SHANK1: variants seen among roughly 807,000 people sequenced by gnomAD.
The protein encoded by SHANK1 is SH3 and multiple ankyrin repeat domains protein 1.
A neutral mutation model predicts 165.6 loss-of-function variants in SHANK1; 35 were observed. The observed-to-expected ratio is 0.21, with a 90% CI of 0.16 to 0.28. The LOEUF is 0.28. SHANK1 is among the 10% of genes least tolerant of loss of function. SHANK1 has a pLI of 1.00. For missense variants in SHANK1, 2,681 were observed against 3,036.4 expected (o/e 0.88, Z 2.75); for synonymous variants, 1,428 against 1,384.8 (o/e 1.03, Z -0.69).
At chr19:50,711,261 G>C (rs1416042572) in intron 8 of SHANK1, 110 bp downstream of exon 8, 2 of 653,412 alleles carry the variant, frequency 3.1e-6, no homozygotes, top group African/African-American at 3.6e-5. Flanking sequence ...TGGAAATAGT[G>C]AAGAAGTGGA....
chr19:50,704,102 G>C lies in SHANK1; in HGVS notation c.1222+18C>G. The C allele has an allele frequency of 6.2e-7, 1 of 1,612,560 alleles. No homozygotes were observed. Among genetic ancestry groups the C allele is most frequent in the Non-Finnish European group, 8.5e-7 (1 of 1,179,384 alleles). On this transcript the variant is annotated intron_variant, in intron 10 of 23. Coordinates refer to ENST00000293441, the MANE Select transcript of SHANK1 (RefSeq NM_016148.5). ...CCGCCCCAGGTTCTCTGTGCAGTCC[G>C]AGCTCCCTGTCACTCACCCACATCC...
intron 21 of SHANK1, among the ~76,000 whole-genome samples, chr19:50,675,053 C>T (rs960474612): frequency 1.6e-5 from 2 of 128,424 alleles, no homozygotes; most frequent in Non-Finnish European, 3.2e-5. Context: ...TAGAGCAACA[C>T]TCGGTCTCAA....
intron 10 of SHANK1, 128 bp from the exon 11 acceptor site, chr19:50,703,958 G>A (rs982566866): frequency 2.7e-6 from 2 of 734,956 alleles, no homozygotes; most frequent in East Asian, 5.2e-5. Flanking sequence ...AAGGGAGGGG[G>A]GCCTGGAATT....
intron 21 of SHANK1, among the ~76,000 whole-genome samples, chr19:50,675,591 T>C (rs1443003577): frequency 1.3e-5 from 2 of 152,160 alleles, no homozygotes; most frequent in Admixed American, 6.6e-5. Context: ...TACGACAAAT[T>C]AGACAAATGT....
chr19:50,692,634 C>T (rs12459070), intron 15 of SHANK1, among the ~76,000 whole-genome samples: 18,735 of 151,410 alleles, frequency 0.12, 1,549 homozygotes, highest in Admixed American at 0.28. Flanking sequence ...CTAGGACATA[C>T]GTGGTGTTGC....
In SHANK1 at chr19:50,661,020, G is replaced by A. The variant is rs1985193772; in HGVS notation, c.*945C>T. Among the ~76,000 whole-genome samples the A allele has an allele frequency of 1.3e-5, 2 of 152,026 alleles. No homozygotes were observed. Among genetic ancestry groups the A allele is most frequent in the African/African-American group, 4.8e-5 (2 of 41,382 alleles). Reference sequence around the variant, plus strand: ...AATCTGGGGTTTTTAAGAATAAGAAGGGAAAGTGCTTCAACGTAAGAAAAT... The same window carrying A: ...AATCTGGGGTTTTTAAGAATAAGAAAGGAAAGTGCTTCAACGTAAGAAAAT... On this transcript the variant is annotated 3_prime_UTR_variant, in exon 24 of 24. Transcript: ENST00000293441.
rs1201459230 is a variant in SHANK1 at position 50,664,160 on chromosome 19, G to A, written c.5769-1478C>T. Among the ~76,000 whole-genome samples, 10 of 147,016 alleles carry A rather than the reference G, an allele frequency of 6.8e-5. No homozygotes were observed. The East Asian group carries it at 2.0e-3, about 29-fold the overall frequency. The stretch of plus-strand genomic sequence containing the variant: ...TTTCAACCTGGGAGCATAGATTTAA[G>A]TTGCCCCAAATATACACTCCCTGAA... On this transcript the variant is annotated intron_variant, in intron 23 of 23. Coordinates refer to ENST00000293441, the MANE Select transcript of SHANK1 (RefSeq NM_016148.5).
chr19:50,694,849 C>T (rs1461996835), intron 15 of SHANK1, among the ~76,000 whole-genome samples: 1 of 149,212 alleles, frequency 6.7e-6, no homozygotes, highest in Non-Finnish European at 1.5e-5. Flanking sequence ...GTCGCCACCG[C>T]GGGCCGGGGC....
rs758436620 is a variant in SHANK1, at chr19:50,703,688, C to G, written c.1365G>C (p.Gly455=). Residue 455 remains glycine, a synonymous_variant, in exon 11 of 24, where the codon GGG becomes GGC. Transcript: ENST00000293441. ...LPDWMVFSAP[G]AASSGAPGPT... ...GGCCAGGGGCCCCAGAGGACGCGGC[C>G]CCCGGGGCGGAGAACACCATCCAGT... is the stretch of plus-strand genomic sequence containing the variant. The G allele has an allele frequency of 1.4e-6, 2 of 1,468,302 alleles. No individual in the cohort carries two copies. The highest frequency in any genetic ancestry group is 1.4e-5 in the African/African-American group (1 of 70,590). 91.0% of individuals were successfully genotyped at this position (1,468,302 alleles called of 1,614,324 possible).
chr19:50,687,169 CCT>C (rs1234186878), intron 19 of SHANK1: 3 of 532,780 alleles, frequency 5.6e-6, no homozygotes, highest in South Asian at 3.4e-5. Flanking sequence ...CGACCAGCCC[CCT>C]GTCAGGGGAA....
intron 22 of SHANK1, among the ~76,000 whole-genome samples, chr19:50,669,500 C>T (rs1228461939): frequency 6.6e-6 from 1 of 152,116 alleles, no homozygotes; most frequent in Non-Finnish European, 1.5e-5. Context: ...CTGCAAACCG[C>T]AAGGAAGGTG....
At position 50,697,225 on chromosome 19, in the gene SHANK1, G is replaced by T; in HGVS notation, c.1938-103C>A. 1.4e-6 allele frequency: 2 copies of T among 1,474,476 alleles called. No individual in the cohort carries two copies. The highest frequency in any genetic ancestry group is 1.1e-5 in the South Asian group (1 of 87,052). 91.3% of individuals were successfully genotyped at this position (1,474,476 alleles called of 1,614,324 possible). On this transcript the variant is annotated intron_variant, in intron 14 of 23. Transcript: ENST00000293441. This position sits in a 1 kb window ranked among gnomAD's most constrained non-coding sequence, Gnocchi z 4.7. ...GCCCTGACTGCACCCTCCCCACACC[G>T]GTGCATGGGACACACACATTCCCAC...
chr19:50,694,761 G>A (rs1986672559), intron 15 of SHANK1, among the ~76,000 whole-genome samples: 1 of 146,896 alleles, frequency 6.8e-6, no homozygotes, highest in South Asian at 2.2e-4. Flanking sequence ...GAGAAGGTTA[G>A]GGAAGAGGAG....
intron 23 of SHANK1, among the ~76,000 whole-genome samples, chr19:50,664,788 T>G (rs1156979754): frequency 6.6e-6 from 1 of 152,102 alleles, no homozygotes; most frequent in Non-Finnish European, 1.5e-5. Context: ...GGAGTCTCAC[T>G]CTGTCACCCA....
chr19:50,680,938 G>C (rs1049730541), intron 21 of SHANK1, among the ~76,000 whole-genome samples: 2 of 152,176 alleles, frequency 1.3e-5, no homozygotes, highest in African/African-American at 4.8e-5. Flanking sequence ...TTACAGGCGT[G>C]AGCCACCACG....
intron 12 of SHANK1, among the ~76,000 whole-genome samples, chr19:50,701,193 CT>C (rs34951143): frequency 0.55 from 55,646 of 101,010 alleles, 14,134 homozygotes; most frequent in African/African-American, 0.61. Flanking sequence ...AAAATGATGG[CT>C]TTTTTTTTTT....
intron 11 of SHANK1, 97 bp downstream of exon 11, chr19:50,703,403 A>G: frequency 9.5e-7 from 1 of 1,052,746 alleles, no homozygotes; most frequent in South Asian, 1.5e-5. Flanking sequence ...GAGGGCCTAC[A>G]GAGGAAGGCA....
chr19:50,689,110 G>T lies in SHANK1; in HGVS notation c.2047+87C>A, dbSNP rs1052408258. 13 of 1,229,816 alleles carry T rather than the reference G, an allele frequency of 1.1e-5. No individual in the cohort carries two copies. In the African/African-American group the frequency reaches 1.8e-4, roughly 17 times the overall value. 76.2% of individuals were successfully genotyped at this position (1,229,816 alleles called of 1,614,324 possible). A position where few individuals can be genotyped will look rare whatever the true frequency, so the allele number is the denominator to read the frequency against. On this transcript the variant is annotated intron_variant, in intron 16 of 23. Transcript: ENST00000293441. ...GGGGTGGGGTGGTGGGCGGGCTGGG[G>T]TCCCTTCCCCTTTCCAGCCCCCATT... is the stretch of plus-strand genomic sequence containing the variant.
rs2089025958 is a variant in SHANK1 at position 50,713,030 on chromosome 19, T to C, written c.792+768A>G. Among the ~76,000 whole-genome samples the C allele has an allele frequency of 6.6e-6, 1 of 151,864 alleles. No individual in the cohort carries two copies. Among genetic ancestry groups the C allele is most frequent in the Admixed American group, 6.6e-5 (1 of 15,234 alleles). On this transcript the variant is annotated intron_variant, in intron 6 of 23. Coordinates refer to ENST00000293441, the MANE Select transcript of SHANK1 (RefSeq NM_016148.5). This position sits in a 1 kb window ranked among gnomAD's most constrained non-coding sequence, Gnocchi z 6.2. ...GAAGAGGATCTGTTAACTCCAGGGG[T>C]ATACTGCAGATCTTTGTGGCTGGCA...
Sources: allele counts gnomAD v4.1 joint callset (sites outside exome capture counted in the v4.1 genomes callset), GRCh38; gene constraint gnomAD v4.1.1; non-coding constraint Gnocchi (gnomAD v3.1); transcripts MANE v1.5; gene names NCBI Gene and HGNC (gene_info 2026-07-23, HGNC 2026-07-21).